Variants in PRIM2 observed in about 807,000 individuals in gnomAD.
PRIM2 encodes the protein DNA primase large subunit.
Under a neutral mutation model 67.3 loss-of-function variants are expected in PRIM2, and 39 were observed. That is an observed-to-expected ratio of 0.58 (90% CI 0.45 to 0.76). The LOEUF is 0.76. PRIM2 is among the 30% of genes least tolerant of loss of function. The pLI, the probability that PRIM2 is intolerant of heterozygous loss-of-function variation, is 0.00. For missense variants in PRIM2, 398 were observed against 598.7 expected (o/e 0.66, Z 3.50); for synonymous variants, 143 against 198.7 (o/e 0.72, Z 2.36).
intron 7 of PRIM2, among the ~76,000 whole-genome samples, chr6:57,410,944 A>G (rs1166514883): frequency 6.6e-6 from 1 of 151,728 alleles, no homozygotes; most frequent in African/African-American, 2.4e-5. Context: ...TTGGTTATCA[A>G]TGTGATATAG....
chr6:57,283,218 C>T, the PRIM2 span, among the ~76,000 whole-genome samples: 17 of 152,290 alleles, frequency 1.1e-4, no homozygotes, highest in African/African-American at 3.6e-4. Flanking sequence ...ACAATTCAAC[C>T]ATATCTTTGC....
Position 57,394,593 on chromosome 6 carries a change from C to T in PRIM2, c.693+12425C>T, listed in dbSNP as rs564538035. On this transcript the variant is annotated intron_variant, in intron 7 of 13. Coordinates refer to ENST00000615550, the MANE Select transcript of PRIM2 (RefSeq NM_000947.5). ...GAGTCCTTAGGGTTTCCAAGGTAAA[C>T]GATCATAACGCCAGCAAACAGCGAC... Among the ~76,000 whole-genome samples, 5 of 152,114 alleles carry T rather than the reference C, an allele frequency of 3.3e-5. No individual in the cohort carries two copies. In the East Asian group the frequency reaches 7.7e-4, roughly 24 times the overall value.
At chr6:57,369,462 C>G (rs6914822) in intron 5 of PRIM2, among the ~76,000 whole-genome samples, 2 of 152,164 alleles carry the variant, frequency 1.3e-5, no homozygotes, top group African/African-American at 4.8e-5. Context: ...TTGAAACATT[C>G]AGGTACTGAC....
chr6:57,449,633 T>G (rs1485557308), intron 7 of PRIM2, among the ~76,000 whole-genome samples: 1 of 152,200 alleles, frequency 6.6e-6, no homozygotes, highest in Non-Finnish European at 1.5e-5. Flanking sequence ...ATAAATCATT[T>G]CACCGCTAGT....
chr6:57,411,687 A>G (rs1377633692), intron 7 of PRIM2, among the ~76,000 whole-genome samples: 4 of 152,110 alleles, frequency 2.6e-5, no homozygotes, highest in African/African-American at 9.7e-5. Flanking sequence ...CCTGGGATAA[A>G]CCTACTATGT....
chr6:57,238,964 T>C, the PRIM2 span, among the ~76,000 whole-genome samples: 2 of 152,130 alleles, frequency 1.3e-5, no homozygotes. Context: ...TCCCACAATG[T>C]ATTCCCTGTT....
At chr6:57,272,969 G>T in the PRIM2 span, among the ~76,000 whole-genome samples, 1 of 152,166 alleles carries the variant, frequency 6.6e-6, no homozygotes, top group Non-Finnish European at 1.5e-5. Context: ...CTCTCTTCTG[G>T]CTTGTGGGGT....
intron 5 of PRIM2, among the ~76,000 whole-genome samples, chr6:57,372,970 A>G (rs1769613931): frequency 6.6e-6 from 1 of 152,222 alleles, no homozygotes; most frequent in Admixed American, 6.5e-5. Context: ...TCCTTTGGGT[A>G]TATACCCGGT....
In PRIM2 at chr6:57,633,074, G is replaced by C. The variant is rs1376875143; in HGVS notation, c.1299+873G>C. On this transcript the variant is annotated intron_variant, in intron 13 of 13. Transcript: ENST00000615550. The stretch of plus-strand genomic sequence containing the variant: ...AGCCCAAAAAAGTGAAGCTGCCTGA[G>C]ATTAGTACAACAGAGTACGGCAGAA... Among the ~76,000 whole-genome samples the C allele has an allele frequency of 7.0e-3, 1,061 of 152,354 alleles. 8 individuals are homozygous for C. Among genetic ancestry groups the C allele is most frequent in the Non-Finnish European group, 0.012 (842 of 68,040 alleles).
At chr6:57,450,161 A>T (rs1772496477) in intron 7 of PRIM2, among the ~76,000 whole-genome samples, 2 of 152,214 alleles carry the variant, frequency 1.3e-5, no homozygotes, top group African/African-American at 4.8e-5. Flanking sequence ...AAGTGATAGT[A>T]AGTTAATAGT....
chr6:57,529,839 A>G (rs1412139242), intron 8 of PRIM2, among the ~76,000 whole-genome samples: 9 of 152,162 alleles, frequency 5.9e-5, no homozygotes, highest in Non-Finnish European at 2.9e-5. Context: ...TTTATAAAGG[A>G]AACAAATTTA....
intron 12 of PRIM2, among the ~76,000 whole-genome samples, chr6:57,625,629 A>G (rs1737050069): frequency 6.6e-6 from 1 of 152,218 alleles, no homozygotes; most frequent in Non-Finnish European, 1.5e-5. Flanking sequence ...TGAAGAAAGT[A>G]TAAATCAAGA....
the PRIM2 span, among the ~76,000 whole-genome samples, chr6:57,246,312 C>T: frequency 6.6e-6 from 1 of 152,188 alleles, no homozygotes; most frequent in Non-Finnish European, 1.5e-5. Context: ...CTCCCAGAGG[C>T]CAACAGAAAA....
chr6:57,298,871 C>T, the PRIM2 span, among the ~76,000 whole-genome samples: 583 of 152,174 alleles, frequency 3.8e-3, 5 homozygotes, highest in African/African-American at 0.014. Context: ...TCCTCTCTGC[C>T]GGCCTTGCTT....
At chr6:57,438,254 T>A (rs1268688579) in intron 7 of PRIM2, among the ~76,000 whole-genome samples, 2 of 152,238 alleles carry the variant, frequency 1.3e-5, no homozygotes, top group Non-Finnish European at 2.9e-5. Context: ...TCTGCAACAA[T>A]GTTTAGCTTT....
chr6:57,303,185 A>T, the PRIM2 span, among the ~76,000 whole-genome samples: 1 of 152,220 alleles, frequency 6.6e-6, no homozygotes, highest in East Asian at 1.9e-4. Flanking sequence ...GCCAAATGAT[A>T]AAAACTAATA....
intron 5 of PRIM2, among the ~76,000 whole-genome samples, chr6:57,337,599 C>G (rs1435961432): frequency 3.9e-5 from 6 of 152,058 alleles, no homozygotes; most frequent in Middle Eastern, 3.2e-3. Context: ...ACAACCTGCT[C>G]CTGAATGACT....
intron 7 of PRIM2, among the ~76,000 whole-genome samples, chr6:57,422,158 C>CTTTTTTTTTTTTTCT (rs1771486641): frequency 1.9e-5 from 2 of 103,318 alleles, no homozygotes; most frequent in Non-Finnish European, 3.9e-5. Flanking sequence ...TCTTTTCTTT[C>CTTTTTTTTTTTTTCT]TTTTTTTTTT....
At chr6:57,639,008 TA>T (rs1181150308) in intron 13 of PRIM2, among the ~76,000 whole-genome samples, 3 of 152,142 alleles carry the variant, frequency 2.0e-5, no homozygotes, top group Non-Finnish European at 4.4e-5. Context: ...TAATTAGAAG[TA>T]AAACACTCCT....
Sources: gnomAD v4.1 joint callset for allele counts (sites outside exome capture counted in the v4.1 genomes callset) on GRCh38, gnomAD v4.1.1 for gene constraint, MANE v1.5 for transcripts, NCBI Gene and HGNC (gene_info 2026-07-23, HGNC 2026-07-21) for gene names.